Variants in ZC2HC1A observed in about 807,000 individuals in gnomAD.
The protein encoded by ZC2HC1A is zinc finger C2HC domain-containing protein 1A.
In ZC2HC1A, 28 loss-of-function variants were observed where a neutral mutation model predicts 40.7. The observed-to-expected ratio is 0.69, with a 90% CI of 0.51 to 0.94. The LOEUF (loss-of-function observed/expected upper bound fraction) is 0.94. Ranked by LOEUF, ZC2HC1A falls within the 40% of genes least tolerant of loss-of-function variation. The pLI, the probability that ZC2HC1A is intolerant of heterozygous loss-of-function variation, is 0.00. For missense variants in ZC2HC1A, 389 were observed against 386.3 expected (o/e 1.01, Z -0.06); for synonymous variants, 129 against 129.2 (o/e 1.00, Z 0.01).
chr8:78,699,667 T>A (rs1235304882), intron 7 of ZC2HC1A, among the ~76,000 whole-genome samples: 1 of 152,182 alleles, frequency 6.6e-6, no homozygotes, highest in Non-Finnish European at 1.5e-5. Flanking sequence ...CCCCTCTATG[T>A]GTCCATGTAG....
intron 2 of ZC2HC1A, among the ~76,000 whole-genome samples, chr8:78,676,706 A>G (rs1218505984): frequency 6.6e-6 from 1 of 152,042 alleles, no homozygotes; most frequent in African/African-American, 2.4e-5. Context: ...GGCACCTTTT[A>G]AATAATGATG....
At chr8:78,698,927 A>G (rs1810515681) in intron 7 of ZC2HC1A, among the ~76,000 whole-genome samples, 1 of 152,208 alleles carries the variant, frequency 6.6e-6, no homozygotes. Flanking sequence ...GCTCAAAGCC[A>G]CATAGCTGTT....
Position 78,698,528 on chromosome 8 carries a change from G to A in ZC2HC1A, c.704+15G>A, listed in dbSNP as rs1210179197. The A allele has an allele frequency of 6.5e-7, 1 of 1,538,584 alleles. No homozygotes were observed. Among genetic ancestry groups the A allele is most frequent in the Non-Finnish European group, 8.9e-7 (1 of 1,127,914 alleles). ...CCTCATGCAGGGTAAGTCTACACTG[G>A]ATATAATTATTAGTGGTATATAATT... On this transcript the variant is annotated intron_variant, in intron 7 of 8. Transcript: ENST00000263849.
At chr8:78,698,174 G>A (rs1167552063) in intron 6 of ZC2HC1A, among the ~76,000 whole-genome samples, 1 of 152,154 alleles carries the variant, frequency 6.6e-6, no homozygotes, top group Non-Finnish European at 1.5e-5. Flanking sequence ...GTTAGAAGAA[G>A]ATATTGACCA....
At position 78,716,267 on chromosome 8, in the gene ZC2HC1A, C is replaced by T. The variant is rs553564201; in HGVS notation, c.812+939C>T. Among the ~76,000 whole-genome samples, 1,271 of 151,350 alleles carry T rather than the reference C, an allele frequency of 8.4e-3. 18 individuals are homozygous for T. The highest frequency in any genetic ancestry group is 0.01 in the Non-Finnish European group (705 of 67,766). ...CCTCCCGAGTAGCTGGGACTACAGG[C>T]GCCCGCCACCACGCCTGGCTAATTT... On this transcript the variant is annotated intron_variant, in intron 8 of 8. Coordinates refer to ENST00000263849, the MANE Select transcript of ZC2HC1A (RefSeq NM_016010.3).
intron 5 of ZC2HC1A, among the ~76,000 whole-genome samples, chr8:78,689,857 C>A (rs1337210235): frequency 2.6e-5 from 4 of 152,166 alleles, no homozygotes; most frequent in African/African-American, 9.6e-5. Flanking sequence ...TGCTCCTTAT[C>A]TTGTATCAAA....
At chr8:78,693,352 T>C (rs994374803) in intron 5 of ZC2HC1A, among the ~76,000 whole-genome samples, 1 of 151,950 alleles carries the variant, frequency 6.6e-6, no homozygotes, top group Non-Finnish European at 1.5e-5. Flanking sequence ...CCACCAACAG[T>C]GTAAAAGTGT....
intron 1 of ZC2HC1A, among the ~76,000 whole-genome samples, chr8:78,669,505 G>A (rs1809383541): frequency 7.0e-6 from 1 of 142,054 alleles, no homozygotes; most frequent in Non-Finnish European, 1.5e-5. Flanking sequence ...GAGGAGCGAA[G>A]GAAACATTGA....
rs985958724 is a variant in ZC2HC1A, at chr8:78,717,846, A to G, written c.*353A>G. On this transcript the variant is annotated 3_prime_UTR_variant, in exon 9 of 9. Transcript: ENST00000263849. ...CTCATACTCTAGTGCTTAGCCCTTC[A>G]AGCTTTAGGATAAGTATAACTTTGA... is the stretch of plus-strand genomic sequence containing the variant. 1 of 160,036 alleles carries G rather than the reference A, an allele frequency of 6.2e-6. No individual in the cohort carries two copies. The highest frequency in any genetic ancestry group is 1.4e-5 in the Non-Finnish European group (1 of 72,934). 9.9% of individuals were successfully genotyped at this position (160,036 alleles called of 1,614,324 possible).
intron 1 of ZC2HC1A, among the ~76,000 whole-genome samples, chr8:78,669,913 T>A (rs62517759): frequency 0.051 from 7,777 of 151,950 alleles, 279 homozygotes; most frequent in Middle Eastern, 0.082. Flanking sequence ...TGCTAGGTGC[T>A]CAACAAATAC....
In ZC2HC1A at chr8:78,718,602, T is replaced by A. The variant is rs944326988; in HGVS notation, c.*1109T>A. 1 of 151,910 alleles carries A rather than the reference T, an allele frequency of 6.6e-6. No homozygotes were observed. The highest frequency in any genetic ancestry group is 2.4e-5 in the African/African-American group (1 of 41,450). The allele number at this position is 151,910 out of a possible 1,614,324, so 9.4% of individuals were successfully genotyped here. A position where few individuals can be genotyped will look rare whatever the true frequency, so the allele number is the denominator to read the frequency against. ...TTAGCATTTAATGTTGAAACACCATTCACGTCACATTAAGGACCCACTGAA... is the reference window on the plus strand; with the variant it reads ...TTAGCATTTAATGTTGAAACACCATACACGTCACATTAAGGACCCACTGAA... On this transcript the variant is annotated 3_prime_UTR_variant, in exon 9 of 9. Transcript: ENST00000263849.
At chr8:78,687,476 A>AT in intron 4 of ZC2HC1A, among the ~76,000 whole-genome samples, 1 of 145,122 alleles carries the variant, frequency 6.9e-6, no homozygotes, top group East Asian at 2.0e-4. Flanking sequence ...ATATATATTT[A>AT]TATATAATTA....
intron 3 of ZC2HC1A, chr8:78,678,999 A>T (rs759289338): frequency 7.8e-5 from 13 of 167,700 alleles, no homozygotes; most frequent in Non-Finnish European, 1.5e-4. Flanking sequence ...ATTATTAAAA[A>T]CTTTTGATAT....
intron 3 of ZC2HC1A, among the ~76,000 whole-genome samples, chr8:78,680,671 A>G (rs1358379718): frequency 6.6e-6 from 1 of 152,190 alleles, no homozygotes; most frequent in Admixed American, 6.6e-5. Flanking sequence ...ATTATCAAAT[A>G]TATGTAAGGA....
At chr8:78,715,085 AAAT>A in intron 7 of ZC2HC1A, 133 bp from the exon 8 acceptor site, 1 of 735,646 alleles carries the variant, frequency 1.4e-6, no homozygotes. Flanking sequence ...TTCAGATTTA[AAAT>A]AATTATTGGG....
chr8:78,706,171 G>A (rs1348151648), intron 7 of ZC2HC1A, among the ~76,000 whole-genome samples: 6 of 152,144 alleles, frequency 3.9e-5, no homozygotes, highest in Admixed American at 6.5e-5. Flanking sequence ...TTCCATCCCA[G>A]GTAGGCTCAA....
In ZC2HC1A at chr8:78,709,932, A is replaced by G. The variant is rs548627216; in HGVS notation, c.705-5289A>G. 2.0e-4 allele frequency among the ~76,000 whole-genome samples: 31 copies of G among 152,238 alleles called. No homozygotes were observed. In the South Asian group the frequency reaches 6.4e-3, roughly 32 times the overall value. ...TTATTTCAGAAATCATCTTTTTGTT[A>G]TATCTCAATCTACAGTACTTGCTAC... On this transcript the variant is annotated intron_variant, in intron 7 of 8. Transcript: ENST00000263849.
At chr8:78,698,279 TA>T in intron 6 of ZC2HC1A, 134 bp from the exon 7 acceptor site, 3 of 681,352 alleles carry the variant, frequency 4.4e-6, no homozygotes, top group Non-Finnish European at 4.7e-6. Flanking sequence ...AAATGCCATT[TA>T]AAAAATGTCT....
chr8:78,686,198 T>G (rs1019461343), intron 3 of ZC2HC1A, among the ~76,000 whole-genome samples: 3 of 152,118 alleles, frequency 2.0e-5, no homozygotes, highest in African/African-American at 7.2e-5. Flanking sequence ...AGCAACAGTC[T>G]TAGTGGGAGG....
Sources: allele counts gnomAD v4.1 joint callset (sites outside exome capture counted in the v4.1 genomes callset), GRCh38; gene constraint gnomAD v4.1.1; transcripts MANE v1.5; gene names NCBI Gene and HGNC (gene_info 2026-07-23, HGNC 2026-07-21).